The following PLCG2 variants were observed in gnomAD, a reference collection of about 807,000 sequenced individuals.
The protein encoded by PLCG2 is phospholipase C gamma 2, also known as 1-phosphatidylinositol 4,5-bisphosphate phosphodiesterase gamma-2.
PLCG2 carries 69 observed loss-of-function variants against 175.6 expected under a neutral mutation model. The ratio of observed to expected loss-of-function variants is 0.39; its 90% CI spans 0.32 to 0.48. PLCG2 has a LOEUF of 0.48. Among genes scored for constraint, PLCG2 ranks in the 20% least tolerant of loss-of-function variants. PLCG2 has a pLI of 0.91. For missense variants in PLCG2, 1,798 were observed against 1,650.9 expected (o/e 1.09, Z -1.54); for synonymous variants, 827 against 624.0 (o/e 1.33, Z -4.85).
chr16:81,813,990 A>C (rs4387596), intron 2 of PLCG2, among the ~76,000 whole-genome samples: 151,585 of 152,306 alleles, frequency 1, 75,435 homozygotes, highest in East Asian at 1. Flanking sequence ...GATGGAGACC[A>C]TGGTATTCAG....
At chr16:81,742,836 G>A (rs1474699339) in intron 1 of PLCG2, among the ~76,000 whole-genome samples, 8 of 152,164 alleles carry the variant, frequency 5.3e-5, no homozygotes, top group Non-Finnish European at 1.2e-4. Flanking sequence ...AGGGCCCCTC[G>A]TCCTCCCAGC....
intron 2 of PLCG2, among the ~76,000 whole-genome samples, chr16:81,826,385 A>G (rs1421780348): frequency 6.6e-6 from 1 of 152,150 alleles, no homozygotes; most frequent in Non-Finnish European, 1.5e-5. Context: ...GTAGGGGTCC[A>G]TGGGCAGGTT....
intron 2 of PLCG2, among the ~76,000 whole-genome samples, chr16:81,806,573 T>C (rs1383935195): frequency 6.6e-6 from 1 of 151,660 alleles, no homozygotes; most frequent in Non-Finnish European, 1.5e-5. Flanking sequence ...CCATTGAGAG[T>C]AGGAGTCTGC....
chr16:81,809,408 C>T (rs1473559576), intron 2 of PLCG2, among the ~76,000 whole-genome samples: 1 of 152,140 alleles, frequency 6.6e-6, no homozygotes, highest in Non-Finnish European at 1.5e-5. Context: ...CCCAGGCTTC[C>T]CCAATGGACT....
At chr16:81,769,035 T>C in intron 2 of PLCG2, among the ~76,000 whole-genome samples, 1 of 152,212 alleles carries the variant, frequency 6.6e-6, no homozygotes, top group South Asian at 2.1e-4. Flanking sequence ...CAAGAAATGC[T>C]GTGGGCTGAT....
intron 8 of PLCG2, among the ~76,000 whole-genome samples, chr16:81,881,719 A>G (rs1908088706): frequency 6.6e-6 from 1 of 152,134 alleles, no homozygotes. Flanking sequence ...ATCTTGGCTC[A>G]CTGCAACCTC....
chr16:81,758,691 T>TC (rs1406422935), intron 2 of PLCG2, among the ~76,000 whole-genome samples: 1 of 151,822 alleles, frequency 6.6e-6, no homozygotes, highest in Non-Finnish European at 1.5e-5. Context: ...TTTTTTTTTT[T>TC]TCCTGAGACA....
chr16:81,917,408 A>G (rs1909888158), intron 19 of PLCG2, among the ~76,000 whole-genome samples: 1 of 152,124 alleles, frequency 6.6e-6, no homozygotes, highest in African/African-American at 2.4e-5. Context: ...TCAGATATAT[A>G]CCGAGAAGTG....
rs1023465001 is a variant in PLCG2 at position 81,960,974 on chromosome 16, G to C, written c.*2976G>C. ...GAAAATATGGCTGTCTCCACCTCTAGTCTTACTGTAGAGCATGTCCCAAGG... is the reference window on the plus strand; with the variant it reads ...GAAAATATGGCTGTCTCCACCTCTACTCTTACTGTAGAGCATGTCCCAAGG... On this transcript the variant is annotated 3_prime_UTR_variant, in exon 33 of 33. Transcript: ENST00000564138. 4.4e-6 allele frequency: 1 copy of C among 229,658 alleles called. No homozygotes were observed. The highest frequency in any genetic ancestry group is 8.6e-6 in the Non-Finnish European group (1 of 115,988). The allele number at this position is 229,658 out of a possible 1,614,324, so 14.2% of individuals were successfully genotyped here.
At position 81,907,688 on chromosome 16, in the gene PLCG2, T is replaced by C. The variant is rs1909436309; in HGVS notation, c.1471T>C (p.Trp491Arg). Residue 491 changes from tryptophan to arginine, a missense_variant, in exon 16 of 33, where the codon TGG (tryptophan) becomes CGG (arginine). Trp to Arg is a moderately radical substitution (Grantham distance 101, BLOSUM62 -3). Transcript: ENST00000564138. Reference sequence around the variant, plus strand: ...TAATACCAGTTTCACTTTCTAGAAATGGACTCGGCACTACTGCGCCATTGC... The same window carrying C: ...TAATACCAGTTTCACTTTCTAGAAACGGACTCGGCACTACTGCGCCATTGC... The part of the protein sequence containing the change: ...LYMWDSIDQK[W>R]TRHYCAIADA... 6.2e-7 allele frequency: 1 copy of C among 1,612,574 alleles called. No homozygotes were observed. Among genetic ancestry groups the C allele is most frequent in the Non-Finnish European group, 8.5e-7 (1 of 1,178,636 alleles).
chr16:81,902,033 C>G (rs1011143475), intron 14 of PLCG2, among the ~76,000 whole-genome samples: 2 of 152,160 alleles, frequency 1.3e-5, no homozygotes, highest in Non-Finnish European at 2.9e-5. Flanking sequence ...TCAGGCACAT[C>G]CGAGTTCCAG....
chr16:81,900,653 A>G lies in PLCG2; in HGVS notation c.1235A>G (p.Glu412Gly). 1 of 1,611,912 alleles carries G rather than the reference A, an allele frequency of 6.2e-7. No homozygotes were observed. The highest frequency in any genetic ancestry group is 8.5e-7 in the Non-Finnish European group (1 of 1,178,172). ...TCCATCGAGGAGCACTGCAGCGTGG[A>G]GCAACAGCGTCACATGGCCAAGGCC... ...ILSIEEHCSV[E>G]QQRHMAKAFK... The change falls in exon 14 of 33, where the codon GAG becomes GGG. Residue 412 changes from glutamate to glycine, a missense_variant. Physicochemically the swap from Glu to Gly is moderately conservative, Grantham distance 98 (BLOSUM62 -2). Transcript: ENST00000564138.
intron 2 of PLCG2, among the ~76,000 whole-genome samples, chr16:81,842,193 A>G (rs1230178060): frequency 1.3e-5 from 2 of 152,186 alleles, no homozygotes; most frequent in African/African-American, 4.8e-5. Context: ...CTCCCTACAA[A>G]GGGAGGCTTT....
At chr16:81,910,964 C>G (rs1909596487) in intron 18 of PLCG2, among the ~76,000 whole-genome samples, 1 of 152,180 alleles carries the variant, frequency 6.6e-6, no homozygotes, top group Admixed American at 6.5e-5. Context: ...GTCTTCATAG[C>G]CCCGAGACTT....
chr16:81,943,776 G>C (rs1463183570), intron 30 of PLCG2, among the ~76,000 whole-genome samples: 2 of 152,220 alleles, frequency 1.3e-5, no homozygotes, highest in African/African-American at 2.4e-5. Flanking sequence ...TCACATTGTA[G>C]CGATAGGGAA....
chr16:81,843,623 G>T (rs546072322), intron 2 of PLCG2, among the ~76,000 whole-genome samples: 1 of 152,286 alleles, frequency 6.6e-6, no homozygotes, highest in East Asian at 1.9e-4. Context: ...TGAACCCATT[G>T]CTAAGCATGT....
intron 13 of PLCG2, 66 bp downstream of exon 13, chr16:81,895,993 T>G (rs1908869137): frequency 3.8e-6 from 6 of 1,591,000 alleles, no homozygotes; most frequent in Non-Finnish European, 5.2e-6. Flanking sequence ...GATAGACAGA[T>G]GGACAGACAG....
At chr16:81,747,882 T>A (rs556920361) in intron 1 of PLCG2, among the ~76,000 whole-genome samples, 7 of 152,222 alleles carry the variant, frequency 4.6e-5, no homozygotes, top group Admixed American at 4.6e-4. Flanking sequence ...TGAATGACTT[T>A]TTTTCTTTCC....
In PLCG2 at chr16:81,936,302, T is replaced by C; in HGVS notation, c.2976T>C (p.Val992=). 6.2e-7 allele frequency: 1 copy of C among 1,614,200 alleles called. No individual in the cohort carries two copies. The highest frequency in any genetic ancestry group is 1.1e-5 in the South Asian group (1 of 91,090). Residue 992 remains valine (V), a synonymous_variant, in exon 27 of 33, where the codon GTT becomes GTC. Transcript: ENST00000564138. Reference sequence around the variant, plus strand: ...GCGTCTACCCAAAGGGACAAAGAGTTGACTCTTCAAACTACGACCCCTTCC... The same window carrying C: ...GCGTCTACCCAAAGGGACAAAGAGTCGACTCTTCAAACTACGACCCCTTCC... ...LTRVYPKGQR[V]DSSNYDPFRL...
Sources: allele counts gnomAD v4.1 joint callset (sites outside exome capture counted in the v4.1 genomes callset), GRCh38; gene constraint gnomAD v4.1.1; transcripts MANE v1.5; gene names NCBI Gene and HGNC (gene_info 2026-07-23, HGNC 2026-07-21).